The following CD2AP variants were observed in gnomAD, a reference collection of about 807,000 sequenced individuals.
CD2AP encodes CD2 associated protein.
In CD2AP, 46 loss-of-function variants were observed where a neutral mutation model predicts 85.1. The ratio of observed to expected loss-of-function variants is 0.54; its 90% CI spans 0.43 to 0.69. The LOEUF is 0.69. Ranked by LOEUF, CD2AP falls within the 30% of genes least tolerant of loss-of-function variation. The probability of loss-of-function intolerance (pLI) is 0.00; values close to 1 mark genes in which losing one functional copy is unlikely to be tolerated. For missense variants in CD2AP, 769 were observed against 729.5 expected (o/e 1.05, Z -0.62); for synonymous variants, 255 against 252.9 (o/e 1.01, Z -0.08).
intron 13 of CD2AP, among the ~76,000 whole-genome samples, chr6:47,603,098 T>G (rs1034563578): frequency 3.3e-5 from 5 of 152,042 alleles, no homozygotes; most frequent in African/African-American, 1.2e-4. Flanking sequence ...AATAGGTACC[T>G]GTTGAGTAGC....
chr6:47,561,884 C>A (rs771661037), intron 5 of CD2AP, among the ~76,000 whole-genome samples: 25 of 152,246 alleles, frequency 1.6e-4, no homozygotes, highest in Non-Finnish European at 2.4e-4. Context: ...GGGTTCACGT[C>A]ATTCTCCTGC....
At chr6:47,484,502 C>T (rs1765519525) in intron 1 of CD2AP, among the ~76,000 whole-genome samples, 1 of 152,052 alleles carries the variant, frequency 6.6e-6, no homozygotes, top group African/African-American at 2.4e-5. Flanking sequence ...TGCTTTTATC[C>T]TAGAATAAAC....
chr6:47,579,348 A>AAAAAGTCTATT, intron 8 of CD2AP, 37 bp from the exon 9 acceptor site: 1 of 1,167,088 alleles, frequency 8.6e-7, no homozygotes, highest in Non-Finnish European at 1.3e-6. Context: ...AAAAAAAAAA[A>AAAAAGTCTATT]GGTCTATTGT....
chr6:47,606,155 T>C lies in CD2AP; in HGVS notation c.1418-10T>C. 2.9e-6 allele frequency: 4 copies of C among 1,381,534 alleles called. No homozygotes were observed. Among genetic ancestry groups the C allele is most frequent in the Non-Finnish European group, 4.1e-6 (4 of 968,862 alleles). The allele number at this position is 1,381,534 out of a possible 1,614,324, so 85.6% of individuals were successfully genotyped here. The stretch of plus-strand genomic sequence containing the variant: ...TCTCTTAGTAAATAATGTTTATTTT[T>C]ATTTTCTAGATGTTGTAAATTTTGA... On this transcript the variant is annotated splice_polypyrimidine_tract_variant and intron_variant, in intron 13 of 17. Coordinates refer to ENST00000359314, the MANE Select transcript of CD2AP (RefSeq NM_012120.3).
At position 47,625,287 on chromosome 6, in the gene CD2AP, T is replaced by C. The variant is rs1429644968; in HGVS notation, c.*1060T>C. 8 of 151,968 alleles carry C rather than the reference T, an allele frequency of 5.3e-5. No homozygotes were observed. Among genetic ancestry groups the C allele is most frequent in the South Asian group, 2.1e-4 (1 of 4,830 alleles). The allele number at this position is 151,968 out of a possible 1,614,324, so 9.4% of individuals were successfully genotyped here. A position where few individuals can be genotyped will look rare whatever the true frequency, so the allele number is the denominator to read the frequency against. On this transcript the variant is annotated 3_prime_UTR_variant, in exon 18 of 18. Coordinates refer to ENST00000359314, the MANE Select transcript of CD2AP (RefSeq NM_012120.3). ...ACTTGTAAATACTCAGGTTTTACGA[T>C]GTATAATTTACCTAATAGACCAAAC...
chr6:47,561,413 C>T (rs1444445281), intron 5 of CD2AP, among the ~76,000 whole-genome samples: 2 of 151,920 alleles, frequency 1.3e-5, no homozygotes, highest in South Asian at 2.1e-4. Context: ...TAAGATATTC[C>T]AAGCTCATTT....
intron 5 of CD2AP, among the ~76,000 whole-genome samples, chr6:47,566,082 G>T (rs180722842): frequency 1.7e-4 from 26 of 151,880 alleles, no homozygotes; most frequent in Admixed American, 8.5e-4. Context: ...CCTTTGTCTG[G>T]AATCCTCTTC....
chr6:47,608,829 C>G (rs1157944606), intron 15 of CD2AP, among the ~76,000 whole-genome samples: 3 of 152,152 alleles, frequency 2.0e-5, no homozygotes, highest in Non-Finnish European at 4.4e-5. Context: ...CTGTTACATT[C>G]TTGCCCCTGT....
Position 47,585,198 on chromosome 6 carries a change from G to A in CD2AP, c.1108+3133G>A, listed in dbSNP as rs557646620. On this transcript the variant is annotated intron_variant, in intron 11 of 17. Transcript: ENST00000359314. ...GGCGCCTGTAGTCCCAGCTACTCAG[G>A]AGGCTGAGGCAGGAGAATGGCGTGA... Among the ~76,000 whole-genome samples, 658 of 132,594 alleles carry A rather than the reference G, an allele frequency of 5.0e-3. 5 individuals are homozygous for A. The highest frequency in any genetic ancestry group is 0.023 in the Middle Eastern group (5 of 218). The allele number at this position is 132,594 out of a possible 152,430, so 87.0% of individuals were successfully genotyped here.
chr6:47,567,775 A>T (rs1463657837), intron 5 of CD2AP, among the ~76,000 whole-genome samples: 1 of 152,224 alleles, frequency 6.6e-6, no homozygotes, highest in Non-Finnish European at 1.5e-5. Context: ...TTAGATGTGA[A>T]TGTTGAGCCT....
intron 5 of CD2AP, among the ~76,000 whole-genome samples, chr6:47,564,517 ATC>A (rs1767941958): frequency 6.6e-6 from 1 of 152,120 alleles, no homozygotes; most frequent in South Asian, 2.1e-4. Flanking sequence ...GCAGAATTTT[ATC>A]TGTTAGAAAT....
chr6:47,487,988 C>T (rs1765607184), intron 1 of CD2AP, among the ~76,000 whole-genome samples: 1 of 149,714 alleles, frequency 6.7e-6, no homozygotes. Flanking sequence ...AGGATGTTGC[C>T]TAATGAAATT....
chr6:47,481,276 G>C (rs1340757000), intron 1 of CD2AP, among the ~76,000 whole-genome samples: 1 of 152,066 alleles, frequency 6.6e-6, no homozygotes. Flanking sequence ...TAGATAAGGC[G>C]GTGAACTTTT....
chr6:47,625,969 CTTG>C lies in CD2AP; in HGVS notation c.*1745_*1747del, dbSNP rs1769896604. On this transcript the variant is annotated 3_prime_UTR_variant, in exon 18 of 18. Coordinates refer to ENST00000359314, the MANE Select transcript of CD2AP (RefSeq NM_012120.3). Reference sequence around the variant, plus strand: ...GACTAGTCAAATGAATTATTTTCTTCTTGTTAAATAAATTAAATCTTACTTTCT... The same window carrying C: ...GACTAGTCAAATGAATTATTTTCTTCTTAAATAAATTAAATCTTACTTTCT... The C allele has an allele frequency of 6.6e-6, 1 of 151,760 alleles. No individual in the cohort carries two copies. Among genetic ancestry groups the C allele is most frequent in the South Asian group, 2.1e-4 (1 of 4,824 alleles). 9.4% of individuals were successfully genotyped at this position (151,760 alleles called of 1,614,324 possible). A position where few individuals can be genotyped will look rare whatever the true frequency, so the allele number is the denominator to read the frequency against.
intron 1 of CD2AP, among the ~76,000 whole-genome samples, chr6:47,498,750 A>AG (rs1765930379): frequency 6.6e-6 from 1 of 152,196 alleles, no homozygotes; most frequent in Non-Finnish European, 1.5e-5. Flanking sequence ...ACATCTCTTG[A>AG]GGATATACAT....
At position 47,624,387 on chromosome 6, in the gene CD2AP, A is replaced by G. The variant is rs112547257; in HGVS notation, c.*160A>G. On this transcript the variant is annotated 3_prime_UTR_variant, in exon 18 of 18. Coordinates refer to ENST00000359314, the MANE Select transcript of CD2AP (RefSeq NM_012120.3). ...AAAAGTAGAGTGAGGGTGAATTTAT[A>G]TATATATTTTGTTTTGCCAATATGA... 6.4e-4 allele frequency: 392 copies of G among 614,244 alleles called. No homozygotes were observed. In the African/African-American group the frequency reaches 6.6e-3, roughly 10 times the overall value. 38.0% of individuals were successfully genotyped at this position (614,244 alleles called of 1,614,324 possible).
In CD2AP at chr6:47,489,614, C is replaced by T. The variant is rs559060192; in HGVS notation, c.4+11366C>T. 3.9e-5 allele frequency among the ~76,000 whole-genome samples: 6 copies of T among 152,276 alleles called. No homozygotes were observed. The East Asian group carries it at 5.8e-4, about 15-fold the overall frequency. Reference sequence around the variant, plus strand: ...GTTACTAGCATTTAGGGAATTCTTACTATGCTAGGCTGAATGTACGGAGCA... The same window carrying T: ...GTTACTAGCATTTAGGGAATTCTTATTATGCTAGGCTGAATGTACGGAGCA... On this transcript the variant is annotated intron_variant, in intron 1 of 17. Coordinates refer to ENST00000359314, the MANE Select transcript of CD2AP (RefSeq NM_012120.3).
rs1310140611 is a variant in CD2AP at position 47,627,103 on chromosome 6, C to G, written c.*2876C>G. On this transcript the variant is annotated 3_prime_UTR_variant, in exon 18 of 18. Coordinates refer to ENST00000359314, the MANE Select transcript of CD2AP (RefSeq NM_012120.3). ...GTGCTGTATTTAAAAGCATGCTTCT[C>G]TCTCAAAAAGAAAAATTAAAGGATT... The G allele has an allele frequency of 6.6e-6, 1 of 152,352 alleles. No homozygotes were observed. Among genetic ancestry groups the G allele is most frequent in the African/African-American group, 2.4e-5 (1 of 41,416 alleles). 9.4% of individuals were successfully genotyped at this position (152,352 alleles called of 1,614,324 possible).
intron 2 of CD2AP, among the ~76,000 whole-genome samples, chr6:47,515,466 A>T (rs1324974911): frequency 6.6e-6 from 1 of 152,170 alleles, no homozygotes; most frequent in African/African-American, 2.4e-5. Context: ...ACGTTATCTC[A>T]CTTTATTCTC....
Sources: allele counts gnomAD v4.1 joint callset (sites outside exome capture counted in the v4.1 genomes callset), GRCh38; gene constraint gnomAD v4.1.1; transcripts MANE v1.5; gene names NCBI Gene and HGNC (gene_info 2026-07-23, HGNC 2026-07-21).